PRLR: variants seen among roughly 807,000 people sequenced by gnomAD.
PRLR encodes prolactin receptor, also known as hPRL receptor.
In PRLR, 13 loss-of-function variants were observed where a neutral mutation model predicts 40.2. The ratio of observed to expected loss-of-function variants is 0.32; its 90% CI spans 0.21 to 0.51. The LOEUF is 0.51. PRLR is among the 20% of genes least tolerant of loss of function. The pLI is 0.97. For synonymous variants in PRLR, 269 were observed against 278.7 expected (o/e 0.97, Z 0.35); for missense variants, 656 against 747.3 (o/e 0.88, Z 1.42).
intron 1 of PRLR, among the ~76,000 whole-genome samples, chr5:35,127,741 G>T (rs1477009371): frequency 6.6e-6 from 1 of 152,172 alleles, no homozygotes; most frequent in Non-Finnish European, 1.5e-5. Flanking sequence ...GTAAGTGAAA[G>T]AAGCCAGGCA....
At chr5:35,135,991 G>A (rs559195199) in intron 1 of PRLR, among the ~76,000 whole-genome samples, 3 of 152,258 alleles carry the variant, frequency 2.0e-5, no homozygotes, top group East Asian at 1.9e-4. Flanking sequence ...ATATGGCCAC[G>A]ATAAGAAAGC....
chr5:35,156,312 G>C (rs1015024828), intron 1 of PRLR, among the ~76,000 whole-genome samples: 8 of 151,702 alleles, frequency 5.3e-5, no homozygotes, highest in Non-Finnish European at 7.4e-5. Context: ...AGTGATATTT[G>C]CCTGGATAAA....
At position 35,204,214 on chromosome 5, in the gene PRLR, C is replaced by CAA. The variant is rs536343549; in HGVS notation, c.-106+26052_-106+26053dup. ...GGTGACAAGAGTAAAATTTCTGTCT[C>CAA]AAAAAAAAAAATAATAAATAAAATG... is the stretch of plus-strand genomic sequence containing the variant. On this transcript the variant is annotated intron_variant, in intron 1 of 9. Transcript: ENST00000618457. 6.3e-3 allele frequency among the ~76,000 whole-genome samples: 718 copies of CAA among 114,130 alleles called. 7 individuals are homozygous for CAA. The highest frequency in any genetic ancestry group is 0.012 in the Admixed American group (129 of 10,970). The allele number at this position is 114,130 out of a possible 152,430, so 74.9% of individuals were successfully genotyped here. A position where few individuals can be genotyped will look rare whatever the true frequency, so the allele number is the denominator to read the frequency against.
At chr5:35,149,140 G>A (rs529403100) in intron 1 of PRLR, among the ~76,000 whole-genome samples, 3 of 152,008 alleles carry the variant, frequency 2.0e-5, no homozygotes, top group Non-Finnish European at 2.9e-5. Context: ...TCAAAATGTC[G>A]AGTTGCTTAG....
intron 1 of PRLR, among the ~76,000 whole-genome samples, chr5:35,222,479 A>T: frequency 6.6e-6 from 1 of 152,140 alleles, no homozygotes; most frequent in Admixed American, 6.5e-5. Flanking sequence ...CACTTCCCAG[A>T]TGTTAGAGTG....
chr5:35,221,918 G>C (rs567339874), intron 1 of PRLR, among the ~76,000 whole-genome samples: 14 of 152,076 alleles, frequency 9.2e-5, no homozygotes, highest in Non-Finnish European at 1.9e-4. Flanking sequence ...CTTTTTCCCC[G>C]CACTGTCCTT....
chr5:35,077,700 G>T (rs904760796), intron 5 of PRLR, among the ~76,000 whole-genome samples: 1 of 152,042 alleles, frequency 6.6e-6, no homozygotes, highest in African/African-American at 2.4e-5. Context: ...TGCACCAAGC[G>T]GACCTAATAG....
chr5:35,123,809 T>C (rs1027286791), intron 1 of PRLR, among the ~76,000 whole-genome samples: 1 of 152,198 alleles, frequency 6.6e-6, no homozygotes, highest in Non-Finnish European at 1.5e-5. Flanking sequence ...TTATAGTCTG[T>C]CATTCTACCC....
At chr5:35,081,096 T>A (rs1463710892) in intron 5 of PRLR, 1 of 150,530 alleles carries the variant, frequency 6.6e-6, no homozygotes, top group African/African-American at 2.4e-5. Context: ...ATGTAAATGA[T>A]GAGTTAATGG....
intron 1 of PRLR, among the ~76,000 whole-genome samples, chr5:35,123,514 C>T (rs1773359671): frequency 6.6e-6 from 1 of 152,132 alleles, no homozygotes; most frequent in Non-Finnish European, 1.5e-5. Flanking sequence ...TAATTGGGCA[C>T]CTAATACATG....
At chr5:35,066,980 G>T (rs1463637268) in intron 9 of PRLR, among the ~76,000 whole-genome samples, 1 of 151,964 alleles carries the variant, frequency 6.6e-6, no homozygotes, top group Non-Finnish European at 1.5e-5. Context: ...AGCCAGGATG[G>T]TCTTGATCTC....
chr5:35,188,224 A>T (rs11956032), intron 1 of PRLR, among the ~76,000 whole-genome samples: 11,113 of 152,222 alleles, frequency 0.073, 462 homozygotes, highest in East Asian at 0.11. Flanking sequence ...CTGATATTTT[A>T]TTCCTCTTTA....
intron 5 of PRLR, chr5:35,082,023 A>C (rs1168092890): frequency 1.3e-5 from 2 of 155,766 alleles, no homozygotes; most frequent in Non-Finnish European, 2.9e-5. Context: ...CACCACCCCC[A>C]GTGAGCACAC....
chr5:35,124,253 C>T (rs1426439191), intron 1 of PRLR, among the ~76,000 whole-genome samples: 1 of 152,186 alleles, frequency 6.6e-6, no homozygotes, highest in Non-Finnish European at 1.5e-5. Flanking sequence ...AGAGCTAAAA[C>T]AAATGGGTCA....
chr5:35,160,830 T>C (rs1774653822), intron 1 of PRLR, among the ~76,000 whole-genome samples: 1 of 152,140 alleles, frequency 6.6e-6, no homozygotes, highest in South Asian at 2.1e-4. Context: ...AACCAATCAG[T>C]GGAAAGCACC....
At chr5:35,107,621 T>A (rs1772353630) in intron 2 of PRLR, among the ~76,000 whole-genome samples, 1 of 151,782 alleles carries the variant, frequency 6.6e-6, no homozygotes, top group Non-Finnish European at 1.5e-5. Context: ...AACTAGAAAA[T>A]CTAGAAGAAA....
At chr5:35,108,051 G>T (rs1772388194) in intron 2 of PRLR, among the ~76,000 whole-genome samples, 1 of 152,164 alleles carries the variant, frequency 6.6e-6, no homozygotes, top group African/African-American at 2.4e-5. Context: ...TCATCCCTGG[G>T]ATGCAAGGCT....
At chr5:35,201,853 T>C (rs893196993) in intron 1 of PRLR, among the ~76,000 whole-genome samples, 2 of 152,198 alleles carry the variant, frequency 1.3e-5, no homozygotes, top group Admixed American at 6.6e-5. Flanking sequence ...TTCCTTTCAC[T>C]CCTTGACCCC....
At chr5:35,199,767 C>T (rs890512118) in intron 1 of PRLR, among the ~76,000 whole-genome samples, 1 of 152,094 alleles carries the variant, frequency 6.6e-6, no homozygotes, top group African/African-American at 2.4e-5. Flanking sequence ...TTTCAATTTC[C>T]ATAACATTTT....
Sources: gnomAD v4.1 joint callset for allele counts (sites outside exome capture counted in the v4.1 genomes callset) on GRCh38, gnomAD v4.1.1 for gene constraint, MANE v1.5 for transcripts, NCBI Gene and HGNC (gene_info 2026-07-23, HGNC 2026-07-21) for gene names.